Variants in DBH observed in about 807,000 individuals in gnomAD.
DBH encodes dopamine beta-hydroxylase (dopamine beta-monooxygenase).
Under a neutral mutation model 64.0 loss-of-function variants are expected in DBH, and 49 were observed. That is an observed-to-expected ratio of 0.77 (90% CI 0.61 to 0.97). The LOEUF (loss-of-function observed/expected upper bound fraction) is 0.97, where lower values mean the gene tolerates loss of function less well. Among genes scored for constraint, DBH ranks in the 50% least tolerant of loss-of-function variants. The pLI is 0.00. For missense variants in DBH, 828 were observed against 826.6 expected (o/e 1.00, Z -0.02); for synonymous variants, 343 against 347.1 (o/e 0.99, Z 0.13).
intron 5 of DBH, among the ~76,000 whole-genome samples, chr9:133,644,649 G>A (rs552145792): frequency 1.4e-4 from 22 of 152,352 alleles, no homozygotes; most frequent in African/African-American, 5.0e-4. Context: ...TTTCATAAGG[G>A]AAGCTGCCAG....
In DBH at chr9:133,643,012, A is replaced by G; in HGVS notation, c.745-401A>G. 6.6e-6 allele frequency among the ~76,000 whole-genome samples: 1 copy of G among 152,008 alleles called. No homozygotes were observed. Among genetic ancestry groups the G allele is most frequent in the East Asian group, 1.9e-4 (1 of 5,166 alleles). On this transcript the variant is annotated intron_variant, in intron 3 of 11. Transcript: ENST00000393056. This position sits in a 1 kb window ranked among gnomAD's most constrained non-coding sequence, Gnocchi z 5.3. ...AGAAGGGGCATGTCCTTGAAGGTGC[A>G]CTCAGAGAGGTTATGTGAGTGTCCA...
At chr9:133,637,198 C>T (rs897284694) in intron 1 of DBH, among the ~76,000 whole-genome samples, 5 of 152,194 alleles carry the variant, frequency 3.3e-5, no homozygotes, top group African/African-American at 4.8e-5. Flanking sequence ...TGCTTGTACC[C>T]GTGGACCAAC....
intron 5 of DBH, among the ~76,000 whole-genome samples, chr9:133,646,428 G>C (rs943801724): frequency 6.6e-6 from 1 of 152,204 alleles, no homozygotes; most frequent in Admixed American, 6.5e-5. Flanking sequence ...TCAGAGCCTG[G>C]CTGCTGATTC....
intron 5 of DBH, among the ~76,000 whole-genome samples, chr9:133,647,064 G>A (rs924572975): frequency 3.3e-5 from 5 of 152,328 alleles, no homozygotes; most frequent in East Asian, 3.9e-4. Flanking sequence ...GCACGCTGTT[G>A]ACCAAGCAGG....
In DBH at chr9:133,644,200, A is replaced by C. The variant is rs1832154812; in HGVS notation, c.922-18A>C. On this transcript the variant is annotated intron_variant, in intron 4 of 11. Transcript: ENST00000393056. ...CTCTCAGGACACACCCGTCTGTCTG[A>C]CACCTTGCCCCACACAGGCATTTTA... 1 of 1,598,038 alleles carries C rather than the reference A, an allele frequency of 6.3e-7. No individual in the cohort carries two copies. Among genetic ancestry groups the C allele is most frequent in the African/African-American group, 1.3e-5 (1 of 74,428 alleles).
At position 133,659,090 on chromosome 9, in the gene DBH, T is replaced by A. The variant is rs1256557037; in HGVS notation, c.*643T>A. The A allele has an allele frequency of 6.6e-6, 1 of 152,218 alleles. No homozygotes were observed. The highest frequency in any genetic ancestry group is 1.9e-4 in the East Asian group (1 of 5,186). 9.4% of individuals were successfully genotyped at this position (152,218 alleles called of 1,614,324 possible). On this transcript the variant is annotated 3_prime_UTR_variant, in exon 12 of 12. Coordinates refer to ENST00000393056, the MANE Select transcript of DBH (RefSeq NM_000787.4). ...GAGGCGGCAAAGATCCAGCGGGGCT[T>A]CTGGGCGCCGGTTCCACGTGGGGTG...
chr9:133,649,498 A>C (rs1218483413), intron 6 of DBH, among the ~76,000 whole-genome samples: 1 of 152,172 alleles, frequency 6.6e-6, no homozygotes, highest in Non-Finnish European at 1.5e-5. Flanking sequence ...TTTAGAGTGG[A>C]TTTTCCTTCC....
In DBH at chr9:133,656,565, C is replaced by T. The variant is rs766495056; in HGVS notation, c.1477C>T (p.His493Tyr). The part of the protein sequence containing the change: ...ILEEMCVNYV[H>Y]YYPQTQLELC... ...GGAGGAGATGTGTGTCAACTACGTG[C>T]ACTACTACCCCCAGACGCAGCTGGA... The change falls in exon 10 of 12, where the codon CAC becomes TAC. Residue 493 changes from histidine (H) to tyrosine (Y), a missense_variant. Coordinates refer to ENST00000393056, the MANE Select transcript of DBH (RefSeq NM_000787.4). The T allele has an allele frequency of 2.5e-6, 4 of 1,613,810 alleles. No homozygotes were observed. The highest frequency in any genetic ancestry group is 2.2e-5 in the South Asian group (2 of 91,088).
At chr9:133,652,875 C>T (rs1036156837) in intron 8 of DBH, 65 bp from the exon 9 acceptor site, 20 of 1,188,012 alleles carry the variant, frequency 1.7e-5, no homozygotes, top group South Asian at 3.6e-5. Flanking sequence ...CCTATGGGGG[C>T]GAGGCCTCCA....
intron 6 of DBH, among the ~76,000 whole-genome samples, chr9:133,650,034 G>A (rs1448551254): frequency 1.3e-5 from 2 of 152,200 alleles, no homozygotes; most frequent in Non-Finnish European, 2.9e-5. Flanking sequence ...GTGCTGCTTT[G>A]GACCAGAGTG....
rs1832054587 is a variant in DBH, at chr9:133,636,524, C to G, written c.153C>G (p.Ile51Met). Reference protein sequence around the residue: ...APRESPLPYHIPLDPEGSLEL... With the variant: ...APRESPLPYHMPLDPEGSLEL... Reference sequence around the variant, plus strand: ...GTGAGAGCCCCCTCCCCTATCACATCCCCCTGGACCCGGAGGGGTCCCTGG... The same window carrying G: ...GTGAGAGCCCCCTCCCCTATCACATGCCCCTGGACCCGGAGGGGTCCCTGG... The change falls in exon 1 of 12, where the codon ATC becomes ATG. Residue 51 changes from isoleucine (I) to methionine (M), a missense_variant. Ile to Met is a conservative substitution (Grantham distance 10). Transcript: ENST00000393056. The G allele has an allele frequency of 2.5e-6, 4 of 1,613,430 alleles. No homozygotes were observed. Among genetic ancestry groups the G allele is most frequent in the Non-Finnish European group, 2.5e-6 (3 of 1,180,002 alleles).
At chr9:133,641,169 C>T (rs917163753) in intron 2 of DBH, among the ~76,000 whole-genome samples, 1 of 152,144 alleles carries the variant, frequency 6.6e-6, no homozygotes, top group African/African-American at 2.4e-5. Flanking sequence ...TTAATAGATG[C>T]CAAATAGACA....
Position 133,647,890 on chromosome 9 carries a change from C to T in DBH, c.1069C>T (p.Leu357=). 6.2e-6 allele frequency: 10 copies of T among 1,614,230 alleles called. No homozygotes were observed. The highest frequency in any genetic ancestry group is 8.5e-6 in the Non-Finnish European group (10 of 1,180,048). The change falls in exon 6 of 12, where the codon CTG becomes TTG. Residue 357 remains leucine (L), a synonymous_variant. Transcript: ENST00000393056. ...CATCCGCTTGTACTACACAGCCAAG[C>T]TGCGGCGCTTCAACGCGGGGATCAT... ...SGIRLYYTAK[L]RRFNAGIMEL...
intron 1 of DBH, among the ~76,000 whole-genome samples, chr9:133,639,100 G>A (rs983882589): frequency 3.3e-5 from 5 of 152,000 alleles, no homozygotes; most frequent in Non-Finnish European, 7.4e-5. Flanking sequence ...AGGGTTTAAA[G>A]TGGTGCTTCA....
At chr9:133,654,123 A>ATTT (rs1251927971) in intron 9 of DBH, among the ~76,000 whole-genome samples, 7 of 89,784 alleles carry the variant, frequency 7.8e-5, no homozygotes, top group Admixed American at 6.0e-4. Flanking sequence ...TTTATATTTT[A>ATTT]TTTTTTTTTG....
At position 133,639,883 on chromosome 9, in the gene DBH, A is replaced by C. The variant is rs767565864; in HGVS notation, c.377A>C (p.Asp126Ala). The C allele has an allele frequency of 1.2e-6, 2 of 1,612,778 alleles. No homozygotes were observed. Among genetic ancestry groups the C allele is most frequent in the Non-Finnish European group, 1.7e-6 (2 of 1,179,644 alleles). ...GACCAGAAGGGGCAGATCCACCTGG[A>C]TCCCCAGCAGGACTACCAGCTGCTG... ...WSDQKGQIHL[D>A]PQQDYQLLQV... The change falls in exon 2 of 12, where the codon GAT becomes GCT. Residue 126 changes from aspartate (D) to alanine (A), a missense_variant. Transcript: ENST00000393056.
intron 1 of DBH, among the ~76,000 whole-genome samples, chr9:133,639,182 CAGG>C (rs923574417): frequency 1.4e-5 from 2 of 147,568 alleles, no homozygotes; most frequent in Admixed American, 6.8e-5. Flanking sequence ...CGCTTGAGGC[CAGG>C]AGTTCAGGAC....
At chr9:133,651,881 T>C in intron 7 of DBH, 104 bp downstream of exon 7, 1 of 1,240,322 alleles carries the variant, frequency 8.1e-7, no homozygotes, top group Non-Finnish European at 1.1e-6. Flanking sequence ...CCAGGCTGGC[T>C]TCTTTTTCCT....
rs746897310 is a variant in DBH at position 133,658,293 on chromosome 9, AC to A, written c.1723-21del. 821 of 1,613,146 alleles carry A rather than the reference AC, an allele frequency of 5.1e-4. 1 individual carries two copies. Among genetic ancestry groups the A allele is most frequent in the Non-Finnish European group, 6.7e-4 (794 of 1,179,526 alleles). On this transcript the variant is annotated intron_variant, in intron 11 of 11. Transcript: ENST00000393056. ...CATCTTGCCCCTCCAGCCTCAGTTTACCTCCTGCCCCCTTCCTTGCAGGGTG... is the reference window on the plus strand; with the variant it reads ...CATCTTGCCCCTCCAGCCTCAGTTTACTCCTGCCCCCTTCCTTGCAGGGTG...
Sources: allele counts gnomAD v4.1 joint callset (sites outside exome capture counted in the v4.1 genomes callset), GRCh38; gene constraint gnomAD v4.1.1; non-coding constraint Gnocchi (gnomAD v3.1); transcripts MANE v1.5; gene names NCBI Gene and HGNC (gene_info 2026-07-23, HGNC 2026-07-21).